PACRG: variants seen among roughly 807,000 people sequenced by gnomAD.
PACRG encodes parkin coregulated gene protein.
In PACRG, 29 loss-of-function variants were observed where a neutral mutation model predicts 29.7. The ratio of observed to expected loss-of-function variants is 0.98; its 90% CI spans 0.73 to 1.33. The LOEUF (loss-of-function observed/expected upper bound fraction) is 1.33. PACRG is among the 40% of genes most tolerant of loss of function. PACRG has a pLI of 0.00. For missense variants in PACRG, 279 were observed against 316.2 expected, an observed-to-expected ratio of 0.88 and a Z score of 0.89; for synonymous variants, 116 against 118.7, an observed-to-expected ratio of 0.98 and a Z score of 0.15.
At chr6:163,100,766 G>A (rs1815037284) in intron 4 of PACRG, 2 of 982,460 alleles carry the variant, frequency 2.0e-6, no homozygotes, top group Non-Finnish European at 2.4e-6. Flanking sequence ...TTGACAGAAT[G>A]GAATATAAAT....
At chr6:162,830,106 C>T (rs1788621998) in intron 2 of PACRG, among the ~76,000 whole-genome samples, 1 of 152,096 alleles carries the variant, frequency 6.6e-6, no homozygotes, top group Admixed American at 6.6e-5. Flanking sequence ...TTTCTCTTCT[C>T]TCACCCTCTT....
intron 1 of PACRG, among the ~76,000 whole-genome samples, chr6:162,804,571 TG>T (rs915754588): frequency 6.6e-6 from 1 of 152,176 alleles, no homozygotes; most frequent in African/African-American, 2.4e-5. Flanking sequence ...TGAGGGGTTT[TG>T]TTCTTATTCT....
chr6:163,300,180 C>T (rs184712815), intron 4 of PACRG, among the ~76,000 whole-genome samples: 204 of 152,310 alleles, frequency 1.3e-3, no homozygotes, highest in African/African-American at 4.6e-3. Flanking sequence ...ATGGCAGGCG[C>T]CAGACTTAGT....
At chr6:162,988,237 T>C (rs1803082654) in intron 2 of PACRG, among the ~76,000 whole-genome samples, 1 of 152,126 alleles carries the variant, frequency 6.6e-6, no homozygotes, top group South Asian at 2.1e-4. Flanking sequence ...CCAGGAGCAA[T>C]TACTTTTAAA....
chr6:162,806,418 A>G (rs1356350362), intron 1 of PACRG, among the ~76,000 whole-genome samples: 4 of 147,546 alleles, frequency 2.7e-5, no homozygotes, highest in African/African-American at 1.0e-4. Context: ...CCTAAAATGT[A>G]TTTCTTAAGT....
At chr6:163,274,589 T>C (rs1783958028) in intron 4 of PACRG, among the ~76,000 whole-genome samples, 1 of 152,198 alleles carries the variant, frequency 6.6e-6, no homozygotes, top group African/African-American at 2.4e-5. Context: ...TAGTTCTAGA[T>C]CCTTGAGGAA....
intron 3 of PACRG, among the ~76,000 whole-genome samples, chr6:163,077,725 A>T (rs75773801): frequency 0.011 from 1,745 of 152,318 alleles, 22 homozygotes; most frequent in African/African-American, 0.035. Context: ...TAATCTGTTT[A>T]AAAAACATTA....
chr6:162,780,844 C>T (rs1388271314), intron 1 of PACRG, among the ~76,000 whole-genome samples: 1 of 151,268 alleles, frequency 6.6e-6, no homozygotes, highest in Non-Finnish European at 1.5e-5. Context: ...AGAAAATATC[C>T]AAAAGGAAGC....
chr6:162,727,770 G>A, upstream of PACRG: 2 of 1,249,714 alleles, frequency 1.6e-6, no homozygotes, highest in South Asian at 2.6e-5. Context: ...AAATCCTCCA[G>A]GCCTCCCCGC....
intron 4 of PACRG, among the ~76,000 whole-genome samples, chr6:163,277,355 T>C (rs1290779580): frequency 6.6e-6 from 1 of 151,882 alleles, no homozygotes; most frequent in African/African-American, 2.4e-5. Context: ...ACATATGATG[T>C]TTGGTTTTCC....
intron 1 of PACRG, among the ~76,000 whole-genome samples, chr6:162,755,222 T>C (rs1485073847): frequency 6.6e-6 from 1 of 152,134 alleles, no homozygotes; most frequent in Non-Finnish European, 1.5e-5. Context: ...GTCAATTTTG[T>C]GTATCTTTGC....
intron 2 of PACRG, among the ~76,000 whole-genome samples, chr6:162,826,366 C>T (rs995786755): frequency 4.6e-5 from 7 of 152,008 alleles, no homozygotes; most frequent in Admixed American, 6.5e-5. Flanking sequence ...GTATATAGTA[C>T]GTGCATGTGT....
intron 4 of PACRG, among the ~76,000 whole-genome samples, chr6:163,297,814 A>ATGGG (rs1237114672): frequency 6.6e-6 from 1 of 152,094 alleles, no homozygotes; most frequent in Non-Finnish European, 1.5e-5. Flanking sequence ...CAGCCACCTG[A>ATGGG]TGGGTGGGTG....
At chr6:162,755,738 TTTC>T (rs1781866452) in intron 1 of PACRG, among the ~76,000 whole-genome samples, 1 of 152,170 alleles carries the variant, frequency 6.6e-6, no homozygotes, top group Non-Finnish European at 1.5e-5. Context: ...CACCTAGCCC[TTTC>T]TTCTTTTTTT....
At chr6:162,828,807 A>G (rs1788498754) in intron 2 of PACRG, among the ~76,000 whole-genome samples, 1 of 152,240 alleles carries the variant, frequency 6.6e-6, no homozygotes, top group South Asian at 2.1e-4. Flanking sequence ...TATCAAAAAG[A>G]ATAAAGTGTT....
At chr6:162,802,246 A>G (rs948479848) in intron 1 of PACRG, among the ~76,000 whole-genome samples, 1 of 152,196 alleles carries the variant, frequency 6.6e-6, no homozygotes, top group Non-Finnish European at 1.5e-5. Context: ...GTGAAAATTA[A>G]GTAGTCAATA....
At chr6:162,855,025 T>C (rs908270133) in intron 2 of PACRG, among the ~76,000 whole-genome samples, 5 of 152,254 alleles carry the variant, frequency 3.3e-5, no homozygotes, top group African/African-American at 1.2e-4. Flanking sequence ...TGGTCGCTGC[T>C]GAAGTGGCTG....
intron 4 of PACRG, among the ~76,000 whole-genome samples, chr6:163,141,167 G>A (rs181458580): frequency 4.4e-4 from 67 of 152,128 alleles, no homozygotes; most frequent in African/African-American, 1.5e-3. Flanking sequence ...TTGATATCTC[G>A]AGTGCTGAGA....
chr6:162,946,530 G>C (rs1278876996), intron 2 of PACRG, among the ~76,000 whole-genome samples: 1 of 151,932 alleles, frequency 6.6e-6, no homozygotes, highest in Non-Finnish European at 1.5e-5. Context: ...TTCTGCACCT[G>C]AGGCTTTACT....
Sources: gnomAD v4.1 joint callset for allele counts (sites outside exome capture counted in the v4.1 genomes callset) on GRCh38, gnomAD v4.1.1 for gene constraint, MANE v1.5 for transcripts, NCBI Gene and HGNC (gene_info 2026-07-23, HGNC 2026-07-21) for gene names.